Variants in ZNF19 observed in about 807,000 individuals in gnomAD.
The protein encoded by ZNF19 is zinc finger protein 19 (KOX 12).
A neutral mutation model predicts 13.1 loss-of-function variants in ZNF19; 11 were observed. That is an observed-to-expected ratio of 0.84 (90% confidence interval 0.53 to 1.39). The LOEUF (loss-of-function observed/expected upper bound fraction) is 1.39, where lower values mean the gene tolerates loss of function less well. Ranked by LOEUF, ZNF19 falls within the 40% of genes most tolerant of loss-of-function variation. ZNF19 has a pLI of 0.00. For missense variants in ZNF19, 560 were observed against 547.0 expected, an observed-to-expected ratio of 1.02 and a Z score of -0.24; for synonymous variants, 186 against 187.0, an observed-to-expected ratio of 0.99 and a Z score of 0.04.
rs1597011650 is a variant in ZNF19, at chr16:71,473,925, G to A, written c.*1245C>T. 2 of 152,210 alleles carry A rather than the reference G, an allele frequency of 1.3e-5. No individual in the cohort carries two copies. Among genetic ancestry groups the A allele is most frequent in the Admixed American group, 6.5e-5 (1 of 15,272 alleles). 9.4% of individuals were successfully genotyped at this position (152,210 alleles called of 1,614,324 possible). A position where few individuals can be genotyped will look rare whatever the true frequency, so the allele number is the denominator to read the frequency against. ...GTTTGTGTTATACTTCAATTAAAAGGTGTTTACTCAATTCCCCAAGTCTAT... is the reference window on the plus strand; with the variant it reads ...GTTTGTGTTATACTTCAATTAAAAGATGTTTACTCAATTCCCCAAGTCTAT... On this transcript the variant is annotated 3_prime_UTR_variant, in exon 6 of 6. Coordinates refer to ENST00000288177, the MANE Select transcript of ZNF19 (RefSeq NM_006961.4).
chr16:71,478,209 C>T lies in ZNF19; in HGVS notation c.274+19G>A, dbSNP rs371976284. ...CCATAAAACGCTACAATTGTTGGTTCTAAATCTGCCTCACCTACCTTTACA... is the reference window on the plus strand; with the variant it reads ...CCATAAAACGCTACAATTGTTGGTTTTAAATCTGCCTCACCTACCTTTACA... On this transcript the variant is annotated intron_variant, in intron 5 of 5. Transcript: ENST00000288177. 1.0e-4 allele frequency: 159 copies of T among 1,570,654 alleles called. No individual in the cohort carries two copies. The highest frequency in any genetic ancestry group is 1.3e-4 in the Non-Finnish European group (143 of 1,141,620).
chr16:71,478,342 C>G lies in ZNF19; in HGVS notation c.161-1G>C, dbSNP rs779347257. ...AGTGCAGGTTTGGGAACTGGGTACCCTGAAAACAGGAAGAAAATGGTACTT... is the reference window on the plus strand; with the variant it reads ...AGTGCAGGTTTGGGAACTGGGTACCGTGAAAACAGGAAGAAAATGGTACTT... On this transcript the variant is annotated splice_acceptor_variant, in intron 4 of 5. Coordinates refer to ENST00000288177, the MANE Select transcript of ZNF19 (RefSeq NM_006961.4). LOFTEE classifies it high-confidence loss of function. The G allele has an allele frequency of 5.6e-6, 9 of 1,608,856 alleles. No individual in the cohort carries two copies.
In ZNF19 at chr16:71,482,072, C is replaced by T; in HGVS notation, c.33+10G>A. On this transcript the variant is annotated intron_variant, in intron 3 of 5. Transcript: ENST00000288177. Reference sequence around the variant, plus strand: ...CTCCATAGAGCTGACCTCAGGGATCCACAGCTCACCTGGTATTGAGCTTTC... The same window carrying T: ...CTCCATAGAGCTGACCTCAGGGATCTACAGCTCACCTGGTATTGAGCTTTC... The T allele has an allele frequency of 6.2e-7, 1 of 1,614,038 alleles. No individual in the cohort carries two copies.
In ZNF19 at chr16:71,475,012, C is replaced by G. The variant is rs1490916391; in HGVS notation, c.*158G>C. The G allele has an allele frequency of 1.6e-5, 15 of 915,948 alleles. No homozygotes were observed. Among genetic ancestry groups the G allele is most frequent in the Non-Finnish European group, 2.4e-5 (15 of 624,524 alleles). The allele number at this position is 915,948 out of a possible 1,614,324, so 56.7% of individuals were successfully genotyped here. On this transcript the variant is annotated 3_prime_UTR_variant, in exon 6 of 6. Transcript: ENST00000288177. ...TTTGTTCCTATTAGCTCTTGCAATC[C>G]TGGGACTCTAATTGAACCATCTTTG...
chr16:71,484,864 C>A, intron 1 of ZNF19, 116 bp from the exon 2 acceptor site: 1 of 332,402 alleles, frequency 3.0e-6, no homozygotes, highest in Non-Finnish European at 4.3e-6. Flanking sequence ...TGACTGTCAC[C>A]GATAGAAATC....
Position 71,475,692 on chromosome 16 carries a change from A to G in ZNF19, c.855T>C (p.Asn285=). 1 of 1,612,522 alleles carries G rather than the reference A, an allele frequency of 6.2e-7. No individual in the cohort carries two copies. Among genetic ancestry groups the G allele is most frequent in the African/African-American group, 1.3e-5 (1 of 74,952 alleles). ...TTTTCTGATGCCGAAGTAGGGGTGAATTACCAACAAAAGCTTTGCCACACT... is the reference window on the plus strand; with the variant it reads ...TTTTCTGATGCCGAAGTAGGGGTGAGTTACCAACAAAAGCTTTGCCACACT... The part of the protein sequence containing the change: ...CNECGKAFVG[N]SPLLRHQKIH... Residue 285 remains asparagine, a synonymous_variant, in exon 6 of 6, where the codon AAT becomes AAC. Transcript: ENST00000288177.
At chr16:71,484,229 C>G (rs1376566157) in intron 2 of ZNF19, among the ~76,000 whole-genome samples, 1 of 152,342 alleles carries the variant, frequency 6.6e-6, no homozygotes, top group East Asian at 1.9e-4. Context: ...GCCCACGCCC[C>G]GCCTCATTCA....
At chr16:71,486,666 G>A (rs1297284407) in intron 1 of ZNF19, among the ~76,000 whole-genome samples, 3 of 152,200 alleles carry the variant, frequency 2.0e-5, no homozygotes, top group East Asian at 1.9e-4. Context: ...GTTGTTTTAC[G>A]CCACTACTCA....
In ZNF19 at chr16:71,482,120, G is replaced by A; in HGVS notation, c.-6C>T. ...TTCAGAGGCATGGCTGCCATGACCT[G>A]GTCTCCCTCTTAGCAGGCAAAGGCT... On this transcript the variant is annotated 5_prime_UTR_variant, in exon 3 of 6. Transcript: ENST00000288177. 1.2e-6 allele frequency: 2 copies of A among 1,614,078 alleles called. No individual in the cohort carries two copies. The highest frequency in any genetic ancestry group is 1.7e-6 in the Non-Finnish European group (2 of 1,179,992).
In ZNF19 at chr16:71,484,610, T is replaced by TG; in HGVS notation, c.-52dup. ...TCACCTCAGGAAAAACAGAAAGCGG[T>TG]GCGTGAACGGAAGTGCGTCACTACT... is the stretch of plus-strand genomic sequence containing the variant. On this transcript the variant is annotated 5_prime_UTR_variant, in exon 2 of 6. Transcript: ENST00000288177. 1 of 985,440 alleles carries TG rather than the reference T, an allele frequency of 1.0e-6. No homozygotes were observed. The highest frequency in any genetic ancestry group is 1.2e-6 in the Non-Finnish European group (1 of 829,974). The allele number at this position is 985,440 out of a possible 1,614,324, so 61.0% of individuals were successfully genotyped here.
intron 1 of ZNF19, among the ~76,000 whole-genome samples, chr16:71,488,717 T>C (rs2043699010): frequency 6.6e-6 from 1 of 152,160 alleles, no homozygotes; most frequent in African/African-American, 2.4e-5. Context: ...GAGAATCACT[T>C]GAACTCGGGA....
rs2043662789 is a variant in ZNF19 at position 71,484,610 on chromosome 16, T to G, written c.-51A>C. ...TCACCTCAGGAAAAACAGAAAGCGG[T>G]GCGTGAACGGAAGTGCGTCACTACT... On this transcript the variant is annotated 5_prime_UTR_variant, in exon 2 of 6. Transcript: ENST00000288177. 2 of 985,440 alleles carry G rather than the reference T, an allele frequency of 2.0e-6. No individual in the cohort carries two copies. Among genetic ancestry groups the G allele is most frequent in the South Asian group, 9.4e-5 (2 of 21,274 alleles). 61.0% of individuals were successfully genotyped at this position (985,440 alleles called of 1,614,324 possible).
intron 2 of ZNF19, among the ~76,000 whole-genome samples, chr16:71,482,786 C>T (rs1161677489): frequency 3.3e-5 from 5 of 152,184 alleles, no homozygotes; most frequent in Admixed American, 6.5e-5. Flanking sequence ...ACTGTAACCA[C>T]GGCCTCCCAG....
rs1465676255 is a variant in ZNF19, at chr16:71,475,892, A to G, written c.655T>C (p.Cys219Arg). 2 of 1,613,426 alleles carry G rather than the reference A, an allele frequency of 1.2e-6. No individual in the cohort carries two copies. Among genetic ancestry groups the G allele is most frequent in the Non-Finnish European group, 1.7e-6 (2 of 1,179,544 alleles). The change falls in exon 6 of 6, where the codon TGT (cysteine) becomes CGT (arginine). Residue 219 changes from cysteine to arginine, a missense_variant. Transcript: ENST00000288177. The part of the protein sequence containing the change: ...RIHTGERPYQ[C>R]EECGRAFNDN... The stretch of plus-strand genomic sequence containing the variant: ...TTAAAGGCTCGCCCACACTCCTCAC[A>G]CTGATAGGGTCTCTCTCCAGTGTGA...
At chr16:71,482,917 G>C (rs2145171145) in intron 2 of ZNF19, among the ~76,000 whole-genome samples, 1 of 152,316 alleles carries the variant, frequency 6.6e-6, no homozygotes, top group South Asian at 2.1e-4. Context: ...GCCCAGACTA[G>C]TCCTCAAACT....
intron 3 of ZNF19, 59 bp downstream of exon 3, chr16:71,482,023 C>A (rs1567570613): frequency 6.3e-7 from 1 of 1,586,446 alleles, no homozygotes; most frequent in Non-Finnish European, 8.7e-7. Context: ...CACCTTTATC[C>A]ACCTCATTTC....
intron 2 of ZNF19, 151 bp from the exon 3 acceptor site, chr16:71,482,294 A>ATGG: frequency 1.5e-6 from 1 of 656,888 alleles, no homozygotes; most frequent in Non-Finnish European, 2.6e-6. Context: ...AATCCACATC[A>ATGG]TACCATGAGG....
chr16:71,481,585 G>A (rs562520680), intron 3 of ZNF19, among the ~76,000 whole-genome samples: 19 of 152,212 alleles, frequency 1.2e-4, no homozygotes, highest in South Asian at 2.1e-4. Context: ...GCCTCACTTC[G>A]CCAGCAGTAC....
At chr16:71,485,465 C>A (rs569793828) in intron 1 of ZNF19, among the ~76,000 whole-genome samples, 85 of 139,346 alleles carry the variant, frequency 6.1e-4, no homozygotes, top group East Asian at 6.0e-3. Flanking sequence ...AAAAAAAAAA[C>A]CAAAAAAACA....
Sources: allele counts gnomAD v4.1 joint callset (sites outside exome capture counted in the v4.1 genomes callset), GRCh38; gene constraint gnomAD v4.1.1; transcripts MANE v1.5; gene names NCBI Gene and HGNC (gene_info 2026-07-23, HGNC 2026-07-21).